Variants in PRKN observed in about 807,000 individuals in gnomAD.
The protein encoded by PRKN is parkin RBR E3 ubiquitin protein ligase.
A neutral mutation model predicts 59.5 loss-of-function variants in PRKN; 56 were observed. The observed-to-expected ratio is 0.94, with a 90% CI of 0.76 to 1.18. The LOEUF is 1.18. PRKN is among the 50% of genes most tolerant of loss of function. The pLI, the probability that PRKN is intolerant of heterozygous loss-of-function variation, is 0.00. For synonymous variants in PRKN, 250 were observed against 222.1 expected (o/e 1.13, Z -1.12); for missense variants, 657 against 596.4 (o/e 1.10, Z -1.06).
chr6:162,198,505 T>A (rs1784587926), intron 4 of PRKN, among the ~76,000 whole-genome samples: 1 of 152,006 alleles, frequency 6.6e-6, no homozygotes, highest in Admixed American at 6.6e-5. Flanking sequence ...ATTAATAGAA[T>A]AACAATAAAG....
At chr6:162,156,597 T>C (rs1387776266) in intron 4 of PRKN, among the ~76,000 whole-genome samples, 1 of 152,162 alleles carries the variant, frequency 6.6e-6, no homozygotes, top group Non-Finnish European at 1.5e-5. Flanking sequence ...GCTCTTTCAT[T>C]TTCTGCTGCT....
chr6:162,224,311 G>T (rs890839849), intron 3 of PRKN, among the ~76,000 whole-genome samples: 1 of 152,094 alleles, frequency 6.6e-6, no homozygotes, highest in Non-Finnish European at 1.5e-5. Context: ...ACAAAAACTT[G>T]CCAATGTCTT....
chr6:162,289,959 AT>A (rs1210952492), intron 2 of PRKN, among the ~76,000 whole-genome samples: 2 of 152,092 alleles, frequency 1.3e-5, no homozygotes, highest in Non-Finnish European at 2.9e-5. Context: ...TAAGAGTATG[AT>A]TTTTTTCTTT....
chr6:161,755,785 C>T (rs79323720), intron 7 of PRKN, among the ~76,000 whole-genome samples: 3,204 of 152,116 alleles, frequency 0.021, 84 homozygotes, highest in South Asian at 0.072. Flanking sequence ...TCAGGGTTGA[C>T]GTGTGCTGTT....
At chr6:161,968,492 C>T (rs543990119) in intron 6 of PRKN, among the ~76,000 whole-genome samples, 1 of 152,120 alleles carries the variant, frequency 6.6e-6, no homozygotes, top group Admixed American at 6.6e-5. Flanking sequence ...CCACGGTCCC[C>T]TTGACAAGGA....
At chr6:162,533,435 G>C (rs1353873460) in intron 1 of PRKN, among the ~76,000 whole-genome samples, 1 of 152,124 alleles carries the variant, frequency 6.6e-6, no homozygotes, top group Non-Finnish European at 1.5e-5. Context: ...AGCTGAGACA[G>C]GAGAATTGTT....
chr6:161,412,318 C>A (rs1787610504), intron 9 of PRKN, among the ~76,000 whole-genome samples: 1 of 150,432 alleles, frequency 6.6e-6, no homozygotes, highest in Non-Finnish European at 1.5e-5. Context: ...ACTCATTCGT[C>A]CACTCACTCA....
At chr6:161,625,428 G>A (rs941246911) in intron 7 of PRKN, among the ~76,000 whole-genome samples, 2 of 152,026 alleles carry the variant, frequency 1.3e-5, no homozygotes, top group African/African-American at 4.8e-5. Flanking sequence ...TGGGGGCCTG[G>A]GGGAGGGATG....
At chr6:161,807,332 C>T (rs368915885) in intron 6 of PRKN, among the ~76,000 whole-genome samples, 5 of 152,136 alleles carry the variant, frequency 3.3e-5, no homozygotes, top group African/African-American at 9.7e-5. Context: ...CAAAGATACA[C>T]GCACACATAC....
chr6:161,692,597 TAAG>T (rs1185232541), intron 7 of PRKN, among the ~76,000 whole-genome samples: 2 of 152,188 alleles, frequency 1.3e-5, no homozygotes, highest in African/African-American at 4.8e-5. Flanking sequence ...TAGAAAAAGA[TAAG>T]AAGCTACTAT....
intron 9 of PRKN, among the ~76,000 whole-genome samples, chr6:161,425,060 G>A (rs1386880725): frequency 6.6e-6 from 1 of 152,118 alleles, no homozygotes; most frequent in East Asian, 1.9e-4. Context: ...TTGGTGTGGA[G>A]AACCCAATGT....
At chr6:161,500,263 C>T (rs11969944) in intron 9 of PRKN, among the ~76,000 whole-genome samples, 16,191 of 152,160 alleles carry the variant, frequency 0.11, 875 homozygotes, top group South Asian at 0.14. Context: ...TCAGTGTTCC[C>T]CACAAGAGTG....
chr6:162,108,122 T>A (rs569822428), intron 4 of PRKN, among the ~76,000 whole-genome samples: 5 of 152,330 alleles, frequency 3.3e-5, no homozygotes, highest in Non-Finnish European at 4.4e-5. Context: ...AACATGTACC[T>A]GGTTTTCAAA....
chr6:161,412,762 C>T (rs1316571593), intron 9 of PRKN, among the ~76,000 whole-genome samples: 3 of 150,352 alleles, frequency 2.0e-5, no homozygotes, highest in African/African-American at 7.5e-5. Context: ...TCCTTCCTCA[C>T]TCATTCCTTC....
At chr6:162,277,440 T>C (rs1002845292) in intron 2 of PRKN, among the ~76,000 whole-genome samples, 2 of 152,168 alleles carry the variant, frequency 1.3e-5, no homozygotes, top group Non-Finnish European at 2.9e-5. Context: ...ATTCAAATTT[T>C]TGAAGGTGCA....
intron 7 of PRKN, among the ~76,000 whole-genome samples, chr6:161,617,490 T>A (rs185904769): frequency 4.6e-5 from 7 of 152,368 alleles, no homozygotes; most frequent in Admixed American, 4.6e-4. Flanking sequence ...TTATTAACAA[T>A]CTACATTTCG....
At chr6:161,670,951 G>A (rs1057055643) in intron 7 of PRKN, among the ~76,000 whole-genome samples, 1 of 152,130 alleles carries the variant, frequency 6.6e-6, no homozygotes, top group Non-Finnish European at 1.5e-5. Context: ...ATGGGTGTTG[G>A]GGATTAGCAC....
At chr6:161,953,356 T>A (rs955998618) in intron 6 of PRKN, among the ~76,000 whole-genome samples, 3 of 152,222 alleles carry the variant, frequency 2.0e-5, no homozygotes, top group Non-Finnish European at 4.4e-5. Flanking sequence ...GTGATCCACC[T>A]GCCTCGGCCT....
intron 7 of PRKN, among the ~76,000 whole-genome samples, chr6:161,623,643 G>T (rs1264753765): frequency 1.3e-5 from 2 of 152,164 alleles, no homozygotes; most frequent in East Asian, 3.9e-4. Flanking sequence ...TAATCTGAAA[G>T]TCATGTGGGT....
Sources: allele counts gnomAD v4.1 joint callset (sites outside exome capture counted in the v4.1 genomes callset), GRCh38; gene constraint gnomAD v4.1.1; transcripts MANE v1.5; gene names NCBI Gene and HGNC (gene_info 2026-07-23, HGNC 2026-07-21).